Variants in C4orf50 observed in about 807,000 individuals in gnomAD.
C4orf50 encodes the protein uncharacterized protein C4orf50.
In C4orf50, 80 loss-of-function variants were observed where a neutral mutation model predicts 77.2. The observed-to-expected ratio is 1.04, with a 90% CI of 0.87 to 1.25. The LOEUF is 1.25. Ranked by LOEUF, C4orf50 falls within the 50% of genes most tolerant of loss-of-function variation. The probability of loss-of-function intolerance (pLI) is 0.00; values close to 1 mark genes in which losing one functional copy is unlikely to be tolerated. For missense variants in C4orf50, 1,257 were observed against 1,152.9 expected (o/e 1.09, Z -1.31); for synonymous variants, 532 against 465.3 (o/e 1.14, Z -1.84).
intron 31 of C4orf50, 112 bp from the exon 10 acceptor site, chr4:5,967,574 G>A (rs755926722): frequency 1.8e-5 from 17 of 940,668 alleles, no homozygotes; most frequent in East Asian, 9.6e-5. Context: ...GCAAAAAACC[G>A]CTTTCTGTGT....
chr4:5,943,027 T>C (rs1193039354), intron 7 of C4orf50, among the ~76,000 whole-genome samples: 2 of 152,172 alleles, frequency 1.3e-5, no homozygotes, highest in Admixed American at 1.3e-4. Context: ...TATGTTTCTT[T>C]CTCTCTGCTG....
At chr4:5,953,851 G>C (rs1457738814), downstream of C4orf50, among the ~76,000 whole-genome samples, 1 of 152,228 alleles carries the variant, frequency 6.6e-6, no homozygotes, top group African/African-American at 2.4e-5. Context: ...GTTCCAGGTG[G>C]ACATAGGTGG....
At chr4:5,985,260 G>A (rs1194531728) in intron 28 of C4orf50, among the ~76,000 whole-genome samples, 3 of 152,098 alleles carry the variant, frequency 2.0e-5, no homozygotes, top group African/African-American at 7.2e-5. Flanking sequence ...AAGGAAATCA[G>A]AGCCACAGAA....
chr4:5,947,176 C>T (rs9683420), intron 7 of C4orf50, among the ~76,000 whole-genome samples: 50,189 of 152,084 alleles, frequency 0.33, 8,694 homozygotes, highest in Non-Finnish European at 0.37. Flanking sequence ...TCACCTCTTT[C>T]CTGCTGAGAC....
intron 25 of C4orf50, among the ~76,000 whole-genome samples, chr4:5,994,763 C>T (rs907230204): frequency 2.7e-5 from 4 of 150,926 alleles, no homozygotes; most frequent in South Asian, 4.2e-4. Context: ...CCAAGAAGCA[C>T]CCAGATCCCC....
At chr4:6,001,697 C>T (rs1472047537) in intron 25 of C4orf50, among the ~76,000 whole-genome samples, 1 of 152,250 alleles carries the variant, frequency 6.6e-6, no homozygotes, top group Non-Finnish European at 1.5e-5. Flanking sequence ...ATTCACCCAG[C>T]ACCTCTTCTG....
rs1180809932 is a variant in C4orf50, at chr4:5,970,153, A to G, written c.4105-2691T>C. On this transcript the variant is annotated intron_variant, in intron 31 of 33. Transcript: ENST00000531445. This position sits in a 1 kb window ranked among gnomAD's most constrained non-coding sequence, Gnocchi z 4.3. ...TAGGTCCAGGCAAAACACAGGAAAA[A>G]AAAAAAAAGGCCCACTGGGGCTAGG... 6.6e-6 allele frequency among the ~76,000 whole-genome samples: 1 copy of G among 151,890 alleles called. No individual in the cohort carries two copies. The highest frequency in any genetic ancestry group is 1.5e-5 in the Non-Finnish European group (1 of 67,938).
At chr4:5,917,096 A>T (rs1015479353) in intron 7 of C4orf50, among the ~76,000 whole-genome samples, 1 of 152,102 alleles carries the variant, frequency 6.6e-6, no homozygotes, top group Non-Finnish European at 1.5e-5. Context: ...AGGCCCCCAC[A>T]TTTTTTGATA....
At chr4:5,934,199 G>A (rs1485807482) in intron 7 of C4orf50, among the ~76,000 whole-genome samples, 1 of 152,016 alleles carries the variant, frequency 6.6e-6, no homozygotes, top group Non-Finnish European at 1.5e-5. Flanking sequence ...CGGCTGCATG[G>A]TAAGGCGAGG....
chr4:5,978,587 T>G (rs1720407825), intron 29 of C4orf50, among the ~76,000 whole-genome samples: 1 of 152,114 alleles, frequency 6.6e-6, no homozygotes, highest in Non-Finnish European at 1.5e-5. Context: ...AAAAAAGCAA[T>G]ACTAGCTCTT....
chr4:6,016,775 C>A (rs1220930438), intron 23 of C4orf50, among the ~76,000 whole-genome samples: 1 of 152,088 alleles, frequency 6.6e-6, no homozygotes, highest in Non-Finnish European at 1.5e-5. Context: ...AAGAATTTTT[C>A]TGATTTGTGA....
rs549347927 is a variant in C4orf50 at position 5,973,747 on chromosome 4, AG to A, written c.4015del (p.Leu1339SerfsTer41). The A allele has an allele frequency of 1.7e-4, 277 of 1,613,958 alleles. No homozygotes were observed. In the East Asian group the frequency reaches 3.1e-3, roughly 18 times the overall value. On this transcript the variant is annotated frameshift_variant, in exon 31 of 34. Coordinates refer to ENST00000531445, the Ensembl canonical transcript of C4orf50. LOFTEE classifies it high-confidence loss of function. ...GTTCTGCGCCAGCTCGGAGAGCAGG[AG>A]GTTCCCCAGCCCATGTCTGTGCAGC...
chr4:6,004,838 A>ATGGTGATGGTGACGG (rs1553920372), intron 25 of C4orf50, among the ~76,000 whole-genome samples: 1 of 150,286 alleles, frequency 6.7e-6, no homozygotes, highest in Admixed American at 6.6e-5. Context: ...TGATGATGTG[A>ATGGTGATGGTGACGG]TGGTGATGGT....
chr4:5,942,379 G>A (rs562786152), intron 7 of C4orf50, among the ~76,000 whole-genome samples: 2 of 152,310 alleles, frequency 1.3e-5, no homozygotes, highest in South Asian at 4.1e-4. Context: ...CTTGGCAAGT[G>A]ACTTGTCTGC....
intron 7 of C4orf50, among the ~76,000 whole-genome samples, chr4:5,922,969 AT>A (rs964083078): frequency 1.4e-4 from 21 of 152,294 alleles, no homozygotes; most frequent in African/African-American, 5.1e-4. Flanking sequence ...ATTAGTAATC[AT>A]CATTCTAAAC....
chr4:5,909,491 C>G lies in C4orf50; in HGVS notation c.*2475-11303G>C, dbSNP rs183778172. ...TTTACTCTGTTGATTGTTTCCTTTG[C>G]TGTGCAGGAACCTTTTAGTTTGATA... On this transcript the variant is annotated intron_variant, in intron 7 of 7. Transcript: ENST00000324058. 2.6e-5 allele frequency among the ~76,000 whole-genome samples: 4 copies of G among 152,296 alleles called. No homozygotes were observed. The East Asian group carries it at 5.8e-4, about 22-fold the overall frequency.
Position 5,907,291 on chromosome 4 carries a change from A to C in C4orf50, c.*2475-9103T>G, listed in dbSNP as rs1223003404. 3.3e-5 allele frequency among the ~76,000 whole-genome samples: 5 copies of C among 152,252 alleles called. No homozygotes were observed. The East Asian group carries it at 5.8e-4, about 18-fold the overall frequency. Reference sequence around the variant, plus strand: ...AACCGTTTAAGAAGTAACAAGTACCACAGGGTCACTTCCAAAATCCATGTG... The same window carrying C: ...AACCGTTTAAGAAGTAACAAGTACCCCAGGGTCACTTCCAAAATCCATGTG... On this transcript the variant is annotated intron_variant, in intron 7 of 7. Coordinates refer to the C4orf50 transcript ENST00000324058.
intron 7 of C4orf50, among the ~76,000 whole-genome samples, chr4:5,914,979 C>G (rs1316348899): frequency 1.3e-5 from 2 of 152,166 alleles, no homozygotes; most frequent in African/African-American, 4.8e-5. Flanking sequence ...TGTCTGGTCA[C>G]TTCCTTAATC....
At chr4:6,013,828 G>A (rs970029233) in intron 23 of C4orf50, among the ~76,000 whole-genome samples, 5 of 152,216 alleles carry the variant, frequency 3.3e-5, no homozygotes, top group South Asian at 2.1e-4. Flanking sequence ...CCGACAGCTC[G>A]ACTAGCTCAG....
Sources: allele counts gnomAD v4.1 joint callset (sites outside exome capture counted in the v4.1 genomes callset), GRCh38; gene constraint gnomAD v4.1.1; non-coding constraint Gnocchi (gnomAD v3.1); transcripts MANE v1.5; gene names NCBI Gene and HGNC (gene_info 2026-07-23, HGNC 2026-07-21).